PHACTR2: variants seen among roughly 807,000 people sequenced by gnomAD.
PHACTR2 encodes chromosome 6 open reading frame 56.
A neutral mutation model predicts 76.0 loss-of-function variants in PHACTR2; 30 were observed. The observed-to-expected ratio is 0.39, with a 90% CI of 0.30 to 0.54. The LOEUF is 0.54. Among genes scored for constraint, PHACTR2 ranks in the 20% least tolerant of loss-of-function variants. The pLI, the probability that PHACTR2 is intolerant of heterozygous loss-of-function variation, is 0.61. For synonymous variants in PHACTR2, 292 were observed against 292.5 expected (o/e 1.00, Z 0.02); for missense variants, 696 against 781.1 (o/e 0.89, Z 1.30).
chr6:143,678,271 C>T lies in PHACTR2; in HGVS notation c.46+62C>T. 7.2e-7 allele frequency: 1 copy of T among 1,382,588 alleles called. No individual in the cohort carries two copies. The highest frequency in any genetic ancestry group is 9.4e-7 in the Non-Finnish European group (1 of 1,067,264). 85.6% of individuals were successfully genotyped at this position (1,382,588 alleles called of 1,614,324 possible). A position where few individuals can be genotyped will look rare whatever the true frequency, so the allele number is the denominator to read the frequency against. On this transcript the variant is annotated intron_variant, in intron 1 of 12. Transcript: ENST00000440869. This position sits in a 1 kb window ranked among gnomAD's most constrained non-coding sequence, Gnocchi z 6.2. ...CGGGCGCAGGGCTGGCGGCGGGGCC[C>T]CGGGGCAGGCAGGGTTAGTCGTCTG...
chr6:143,768,959 CT>C (rs1261171672), intron 6 of PHACTR2, among the ~76,000 whole-genome samples: 2 of 152,114 alleles, frequency 1.3e-5, no homozygotes, highest in Non-Finnish European at 2.9e-5. Flanking sequence ...TTCCAAATTC[CT>C]TCTGCCTTTT....
intron 1 of PHACTR2, among the ~76,000 whole-genome samples, chr6:143,669,311 A>C (rs1777103154): frequency 6.6e-6 from 1 of 152,192 alleles, no homozygotes; most frequent in Non-Finnish European, 1.5e-5. Context: ...CAATTTTAGA[A>C]TAGGTGCAAT....
At chr6:143,640,783 C>G (rs1283973725) in intron 1 of PHACTR2, among the ~76,000 whole-genome samples, 1 of 152,134 alleles carries the variant, frequency 6.6e-6, no homozygotes, top group Non-Finnish European at 1.5e-5. Context: ...GTCCTAACTT[C>G]CAGAACCTGT....
chr6:143,639,664 C>T lies in PHACTR2; in HGVS notation c.13+31342C>T, dbSNP rs528569856. ...CATACCCCATCATGAGTAAGGATAG[C>T]GATGGTTTGAGCAAGACAGTTGACA... On this transcript the variant is annotated intron_variant, in intron 1 of 11. Coordinates refer to the PHACTR2 transcript ENST00000305766. The surrounding 1 kb of genome is among the most constrained non-coding windows in gnomAD (Gnocchi z 5.0). Among the ~76,000 whole-genome samples the T allele has an allele frequency of 2.0e-5, 3 of 152,054 alleles. No individual in the cohort carries two copies. Among genetic ancestry groups the T allele is most frequent in the Non-Finnish European group, 4.4e-5 (3 of 68,006 alleles).
chr6:143,716,021 G>C (rs548835224), intron 2 of PHACTR2, among the ~76,000 whole-genome samples: 7 of 152,294 alleles, frequency 4.6e-5, no homozygotes, highest in Non-Finnish European at 2.9e-5. Flanking sequence ...AGAGAAGACA[G>C]GAAGAGGTAG....
chr6:143,709,239 A>C lies in PHACTR2; in HGVS notation c.47-2777A>C, dbSNP rs1778115190. Reference sequence around the variant, plus strand: ...ATGGCTGAAAGTAGGGTTAGGAACCACTTTCAGAAGAATCAGTTAGCGTAG... The same window carrying C: ...ATGGCTGAAAGTAGGGTTAGGAACCCCTTTCAGAAGAATCAGTTAGCGTAG... On this transcript the variant is annotated intron_variant, in intron 1 of 12. Transcript: ENST00000440869. This position sits in a 1 kb window ranked among gnomAD's most constrained non-coding sequence, Gnocchi z 4.4. Among the ~76,000 whole-genome samples the C allele has an allele frequency of 6.6e-6, 1 of 152,212 alleles. No individual in the cohort carries two copies. Among genetic ancestry groups the C allele is most frequent in the East Asian group, 1.9e-4 (1 of 5,198 alleles).
At position 143,618,609 on chromosome 6, in the gene PHACTR2, G is replaced by C. The variant is rs535578902; in HGVS notation, c.13+10287G>C. Among the ~76,000 whole-genome samples the C allele has an allele frequency of 3.3e-5, 5 of 151,838 alleles. No homozygotes were observed. The highest frequency in any genetic ancestry group is 6.6e-5 in the Admixed American group (1 of 15,244). ...ACCAGGGACTGGCAGGGGAGGCTGG[G>C]GGGGGATAGGGGTTGAATGTTTCCC... On this transcript the variant is annotated intron_variant, in intron 1 of 11. Transcript: ENST00000305766. This position sits in a 1 kb window ranked among gnomAD's most constrained non-coding sequence, Gnocchi z 5.2.
Position 143,780,081 on chromosome 6 carries a change from C to G in PHACTR2, c.1645+2698C>G, listed in dbSNP as rs139228202. On this transcript the variant is annotated intron_variant, in intron 9 of 12. Transcript: ENST00000440869. The surrounding 1 kb of genome is among the most constrained non-coding windows in gnomAD (Gnocchi z 4.4). Reference sequence around the variant, plus strand: ...GCTGAGAATGTAATTCTAGCCATGTCTTCTATAGAGAAAAATGAATTAGGC... The same window carrying G: ...GCTGAGAATGTAATTCTAGCCATGTGTTCTATAGAGAAAAATGAATTAGGC... Among the ~76,000 whole-genome samples the G allele has an allele frequency of 1.4e-3, 217 of 152,014 alleles. 2 individuals are homozygous for G. In the East Asian group the frequency reaches 0.022, roughly 15 times the overall value.
intron 4 of PHACTR2, among the ~76,000 whole-genome samples, chr6:143,756,260 T>A (rs1340898927): frequency 1.3e-5 from 2 of 152,200 alleles, no homozygotes; most frequent in Non-Finnish European, 2.9e-5. Context: ...TGGGCATTTC[T>A]GGGGCTCCTG....
rs888649652 is a variant in PHACTR2 at position 143,822,006 on chromosome 6, C to A, written c.1923-1668C>A. Among the ~76,000 whole-genome samples, 2 of 151,970 alleles carry A rather than the reference C, an allele frequency of 1.3e-5. No individual in the cohort carries two copies. Among genetic ancestry groups the A allele is most frequent in the Non-Finnish European group, 2.9e-5 (2 of 67,990 alleles). ...ACCCTGTCCCCCTCTGGAGCTCCCC[C>A]CAACCCACCCTGCAAAAAGTAGGTA... On this transcript the variant is annotated intron_variant, in intron 12 of 12. Transcript: ENST00000440869. The surrounding 1 kb of genome is among the most constrained non-coding windows in gnomAD (Gnocchi z 5.5).
rs1361618454 is a variant in PHACTR2 at position 143,755,537 on chromosome 6, C to G, written c.454+1625C>G. On this transcript the variant is annotated intron_variant, in intron 4 of 12. Coordinates refer to ENST00000440869, the MANE Select transcript of PHACTR2 (RefSeq NM_001100164.2). The surrounding 1 kb of genome is among the most constrained non-coding windows in gnomAD (Gnocchi z 5.2). ...CCTTGATGTTCTTGAAAGAAGATAG[C>G]AGACCTTATGGGTCCATGAATAGTT... 2 of 356,628 alleles carry G rather than the reference C, an allele frequency of 5.6e-6. No individual in the cohort carries two copies. The highest frequency in any genetic ancestry group is 1.1e-5 in the Non-Finnish European group (2 of 181,056). 22.1% of individuals were successfully genotyped at this position (356,628 alleles called of 1,614,324 possible). A position where few individuals can be genotyped will look rare whatever the true frequency, so the allele number is the denominator to read the frequency against.
rs962671249 is a variant in PHACTR2, at chr6:143,776,474, C to T, written c.1590-854C>T. Among the ~76,000 whole-genome samples the T allele has an allele frequency of 6.6e-6, 1 of 152,160 alleles. No homozygotes were observed. Among genetic ancestry groups the T allele is most frequent in the Non-Finnish European group, 1.5e-5 (1 of 68,040 alleles). ...CAATGAAAAAGGGAGATTGCGTTCA[C>T]GGCATAGCAACAACCGCATTTTAAA... On this transcript the variant is annotated intron_variant, in intron 8 of 12. Transcript: ENST00000440869. The surrounding 1 kb of genome is among the most constrained non-coding windows in gnomAD (Gnocchi z 5.3).
intron 1 of PHACTR2, among the ~76,000 whole-genome samples, chr6:143,635,127 C>T (rs1044670508): frequency 6.6e-6 from 1 of 152,124 alleles, no homozygotes; most frequent in African/African-American, 2.4e-5. Context: ...ACTTTATCTC[C>T]ATTAGTATAT....
chr6:143,635,250 A>G (rs1776429884), intron 1 of PHACTR2, among the ~76,000 whole-genome samples: 1 of 152,130 alleles, frequency 6.6e-6, no homozygotes, highest in Non-Finnish European at 1.5e-5. Flanking sequence ...GATATTTTAA[A>G]TACTATTCCA....
chr6:143,715,186 C>T (rs1319934565), intron 2 of PHACTR2, among the ~76,000 whole-genome samples: 6 of 152,196 alleles, frequency 3.9e-5, no homozygotes, highest in Non-Finnish European at 7.3e-5. Flanking sequence ...TCATTTCAAC[C>T]TCTACAACAT....
intron 1 of PHACTR2, among the ~76,000 whole-genome samples, chr6:143,564,193 G>A (rs1318558365): frequency 0.039 from 1,894 of 48,360 alleles, 72 homozygotes; most frequent in Non-Finnish European, 0.058. Flanking sequence ...ATGTGTGTGT[G>A]TGCATATATA....
In PHACTR2 at chr6:143,554,148, C is replaced by G. The variant is rs1017669421; in HGVS notation, c.217+16941C>G. On this transcript the variant is annotated intron_variant, in intron 1 of 11. Coordinates refer to the PHACTR2 transcript ENST00000367584. The surrounding 1 kb of genome is among the most constrained non-coding windows in gnomAD (Gnocchi z 5.9). Reference sequence around the variant, plus strand: ...ACTATTTCATTCATATCAATATCAACTTAGGAGTGAATCCACAGTATGCAG... The same window carrying G: ...ACTATTTCATTCATATCAATATCAAGTTAGGAGTGAATCCACAGTATGCAG... Among the ~76,000 whole-genome samples the G allele has an allele frequency of 6.6e-6, 1 of 152,140 alleles. No homozygotes were observed. Among genetic ancestry groups the G allele is most frequent in the African/African-American group, 2.4e-5 (1 of 41,408 alleles).
chr6:143,655,111 C>T (rs1415298817), intron 1 of PHACTR2, among the ~76,000 whole-genome samples: 1 of 143,534 alleles, frequency 7.0e-6, no homozygotes, highest in Non-Finnish European at 1.5e-5. Context: ...GAGCCGAGAT[C>T]GTGCCACTGC....
In PHACTR2 at chr6:143,578,746, A is replaced by C. The variant is rs1191149241; in HGVS notation, c.217+41539A>C. ...GGAGAGGTAGATGATGAAGAAGATG[A>C]AGAAGACCTTGGTGAAGAAGAAAGG... On this transcript the variant is annotated intron_variant, in intron 1 of 11. Coordinates refer to the PHACTR2 transcript ENST00000367584. The surrounding 1 kb of genome is among the most constrained non-coding windows in gnomAD (Gnocchi z 4.5). 6.6e-6 allele frequency among the ~76,000 whole-genome samples: 1 copy of C among 151,904 alleles called. No individual in the cohort carries two copies. Among genetic ancestry groups the C allele is most frequent in the Non-Finnish European group, 1.5e-5 (1 of 67,948 alleles).
Sources: allele counts gnomAD v4.1 joint callset (sites outside exome capture counted in the v4.1 genomes callset), GRCh38; gene constraint gnomAD v4.1.1; non-coding constraint Gnocchi (gnomAD v3.1); transcripts MANE v1.5; gene names NCBI Gene and HGNC (gene_info 2026-07-23, HGNC 2026-07-21).